CDC27: variants seen among roughly 807,000 people sequenced by gnomAD.
CDC27 encodes cell division cycle protein 27 homolog.
CDC27 carries 27 observed loss-of-function variants against 109.7 expected under a neutral mutation model. The ratio of observed to expected loss-of-function variants is 0.25; its 90% CI spans 0.18 to 0.34. CDC27 has a LOEUF of 0.34. CDC27 is among the 10% of genes least tolerant of loss of function. CDC27 has a pLI of 1.00. For missense variants in CDC27, 579 were observed against 960.2 expected (o/e 0.60, Z 5.25); for synonymous variants, 266 against 333.9 (o/e 0.80, Z 2.22).
At chr17:47,166,518 G>C (rs571662114) in intron 4 of CDC27, among the ~76,000 whole-genome samples, 1 of 151,882 alleles carries the variant, frequency 6.6e-6, no homozygotes, top group Non-Finnish European at 1.5e-5. Context: ...GGTCACTTTC[G>C]GCAGTTTTAC....
Position 47,158,265 on chromosome 17 carries a change from T to C in CDC27, c.416A>G (p.Gln139Arg), listed in dbSNP as rs1235279038. 1.3e-6 allele frequency: 2 copies of C among 1,580,072 alleles called. No homozygotes were observed. Among genetic ancestry groups the C allele is most frequent in the Non-Finnish European group, 1.7e-6 (2 of 1,163,840 alleles). Residue 139 changes from glutamine (Q) to arginine (R), a missense_variant, in exon 5 of 19, where the codon CAA (glutamine) becomes CGA (arginine). Physicochemically the swap from Gln to Arg is conservative, Grantham distance 43 (BLOSUM62 1). Coordinates refer to ENST00000066544, the MANE Select transcript of CDC27 (RefSeq NM_001256.6). ...DRLAKGSECYQKSLSLNPFLW... is the reference protein window; with the variant it reads ...DRLAKGSECYRKSLSLNPFLW... ...GAAAGGATTTAAACTAAGGCTCTTT[T>C]GGTAACATTCTGATCCTTTGGCAAG...
chr17:47,135,896 A>G (rs1235422099), intron 14 of CDC27, among the ~76,000 whole-genome samples: 1 of 152,280 alleles, frequency 6.6e-6, no homozygotes, highest in Non-Finnish European at 1.5e-5. Context: ...TAATCCCAGC[A>G]CTGGGAGGCC....
chr17:47,171,839 T>A (rs1044712602), intron 3 of CDC27, 78 bp downstream of exon 3: 1 of 949,346 alleles, frequency 1.1e-6, no homozygotes, highest in Non-Finnish European at 1.6e-6. Flanking sequence ...GGAATCAGAG[T>A]TTAATCTGAA....
At chr17:47,136,835 C>T (rs1430260468) in intron 14 of CDC27, among the ~76,000 whole-genome samples, 2 of 152,030 alleles carry the variant, frequency 1.3e-5, no homozygotes, top group African/African-American at 2.4e-5. Context: ...ATCACCATTT[C>T]GGTGTTCGAA....
intron 16 of CDC27, among the ~76,000 whole-genome samples, chr17:47,127,361 T>A (rs148886367): frequency 1.8e-4 from 27 of 152,310 alleles, no homozygotes; most frequent in African/African-American, 6.3e-4. Context: ...AATTACTAGA[T>A]AAATTATATA....
At chr17:47,163,914 T>C (rs866502) in intron 4 of CDC27, among the ~76,000 whole-genome samples, 139,808 of 152,226 alleles carry the variant, frequency 0.92, 64,399 homozygotes, top group East Asian at 0.99. Context: ...CAGGCTCGTG[T>C]CACCACGCCC....
rs1385620846 is a variant in CDC27 at position 47,119,270 on chromosome 17, T to C, written c.*1665A>G. Reference sequence around the variant, plus strand: ...AAAAAGTATTGTTTTAGACAGTACATATACATAAATTTAGGTAGGGAAATC... The same window carrying C: ...AAAAAGTATTGTTTTAGACAGTACACATACATAAATTTAGGTAGGGAAATC... On this transcript the variant is annotated 3_prime_UTR_variant, in exon 19 of 19. Transcript: ENST00000066544. The C allele has an allele frequency of 6.6e-6, 1 of 152,194 alleles. No individual in the cohort carries two copies. The highest frequency in any genetic ancestry group is 1.5e-5 in the Non-Finnish European group (1 of 68,032). The allele number at this position is 152,194 out of a possible 1,614,324, so 9.4% of individuals were successfully genotyped here. A position where few individuals can be genotyped will look rare whatever the true frequency, so the allele number is the denominator to read the frequency against.
At chr17:47,123,402 C>CTTTTTTTTTTT (rs57868315) in intron 17 of CDC27, among the ~76,000 whole-genome samples, 3 of 123,000 alleles carry the variant, frequency 2.4e-5, no homozygotes, top group Admixed American at 9.0e-5. Flanking sequence ...TTTTTTTCTA[C>CTTTTTTTTTTT]TTTTTTTTTT....
chr17:47,151,418 G>C (rs2063147150), intron 9 of CDC27, among the ~76,000 whole-genome samples: 3 of 152,206 alleles, frequency 2.0e-5, no homozygotes, highest in Non-Finnish European at 4.4e-5. Flanking sequence ...CACCATTTCT[G>C]TGTGGAAATA....
intron 2 of CDC27, among the ~76,000 whole-genome samples, chr17:47,172,739 G>A (rs183650342): frequency 2.0e-4 from 30 of 152,188 alleles, no homozygotes; most frequent in Non-Finnish European, 3.4e-4. Context: ...AATGCAAGTG[G>A]CATTTTTCAC....
chr17:47,168,139 A>G (rs1404673318), intron 4 of CDC27, among the ~76,000 whole-genome samples: 1 of 152,152 alleles, frequency 6.6e-6, no homozygotes, highest in Non-Finnish European at 1.5e-5. Flanking sequence ...GCTTCACTAC[A>G]TAGGCATTAC....
chr17:47,164,983 AT>A (rs2148946204), intron 4 of CDC27, among the ~76,000 whole-genome samples: 1 of 152,280 alleles, frequency 6.6e-6, no homozygotes, highest in South Asian at 2.1e-4. Flanking sequence ...AAACCCCTAA[AT>A]AGTTACATCC....
At chr17:47,125,621 G>A (rs2062115212) in intron 16 of CDC27, among the ~76,000 whole-genome samples, 1 of 148,804 alleles carries the variant, frequency 6.7e-6, no homozygotes, top group African/African-American at 2.5e-5. Context: ...GTGGCTCACT[G>A]CAACTCCCAC....
At chr17:47,174,347 T>C (rs958787152) in intron 2 of CDC27, among the ~76,000 whole-genome samples, 4 of 152,186 alleles carry the variant, frequency 2.6e-5, no homozygotes, top group Admixed American at 2.6e-4. Context: ...ATAATGGCTG[T>C]CTGAAATGCC....
intron 1 of CDC27, among the ~76,000 whole-genome samples, chr17:47,188,303 CA>C (rs971896947): frequency 6.6e-6 from 1 of 152,082 alleles, no homozygotes; most frequent in South Asian, 2.1e-4. Flanking sequence ...CTCCAGATGT[CA>C]GGGGGGAAAA....
chr17:47,153,680 A>G (rs1459236064), intron 8 of CDC27, among the ~76,000 whole-genome samples: 1 of 152,232 alleles, frequency 6.6e-6, no homozygotes, highest in African/African-American at 2.4e-5. Context: ...GGTATTTTAT[A>G]TATAGAACCT....
At chr17:47,126,295 TAC>T (rs1490230201) in intron 16 of CDC27, among the ~76,000 whole-genome samples, 30 of 152,304 alleles carry the variant, frequency 2.0e-4, no homozygotes, top group African/African-American at 6.7e-4. Context: ...GCCCTTTTCA[TAC>T]AGTCACATTT....
intron 7 of CDC27, among the ~76,000 whole-genome samples, chr17:47,156,347 C>A (rs1224149419): frequency 6.6e-6 from 1 of 152,018 alleles, no homozygotes; most frequent in Non-Finnish European, 1.5e-5. Context: ...GCCATGTTGG[C>A]CAGGATGGTC....
At chr17:47,149,298 G>A (rs1417378668) in intron 9 of CDC27, among the ~76,000 whole-genome samples, 1 of 151,350 alleles carries the variant, frequency 6.6e-6, no homozygotes, top group African/African-American at 2.4e-5. Flanking sequence ...GGATCACAAG[G>A]TCAAGAGATC....
Sources: gnomAD v4.1 joint callset for allele counts (sites outside exome capture counted in the v4.1 genomes callset) on GRCh38, gnomAD v4.1.1 for gene constraint, MANE v1.5 for transcripts, NCBI Gene and HGNC (gene_info 2026-07-23, HGNC 2026-07-21) for gene names.